STXBP5L: variants seen among roughly 807,000 people sequenced by gnomAD.
STXBP5L encodes syntaxin binding protein 5L.
A neutral mutation model predicts 144.5 loss-of-function variants in STXBP5L; 65 were observed. The observed-to-expected ratio is 0.45, with a 90% CI of 0.37 to 0.55. The LOEUF (loss-of-function observed/expected upper bound fraction) is 0.55, where lower values mean the gene tolerates loss of function less well. Among genes scored for constraint, STXBP5L ranks in the 20% least tolerant of loss-of-function variants. The probability of loss-of-function intolerance (pLI) is 0.00; values close to 1 mark genes in which losing one functional copy is unlikely to be tolerated. For missense variants in STXBP5L, 1,298 were observed against 1,405.5 expected (o/e 0.92, Z 1.22); for synonymous variants, 505 against 469.6 (o/e 1.08, Z -0.97).
rs536016557 is a variant in STXBP5L, at chr3:120,935,823, G to T, written c.190-19117G>T. On this transcript the variant is annotated intron_variant, in intron 2 of 26. Coordinates refer to ENST00000471454, the MANE Select transcript of STXBP5L (RefSeq NM_001308330.2). ...TTCTCTTTGTCTTTGATCTTCTGTA[G>T]TTTGGATATAATATCCTATGCATAT... is the stretch of plus-strand genomic sequence containing the variant. 2.6e-4 allele frequency among the ~76,000 whole-genome samples: 40 copies of T among 151,850 alleles called. 1 individual carries two copies. The South Asian group carries it at 8.1e-3, about 31-fold the overall frequency.
At chr3:121,282,285 CCTGT>C (rs969254926) in intron 19 of STXBP5L, 5 of 1,611,794 alleles carry the variant, frequency 3.1e-6, no homozygotes, top group East Asian at 2.2e-5. Context: ...GCATGCGTGG[CCTGT>C]CTAACTTTTA....
intron 20 of STXBP5L, among the ~76,000 whole-genome samples, chr3:121,348,782 T>A (rs1043731202): frequency 7.2e-5 from 11 of 152,144 alleles, no homozygotes; most frequent in Non-Finnish European, 4.4e-5. Context: ...TAGTTTGTAC[T>A]TCTGTGGGAT....
At chr3:120,987,175 AT>A (rs1942369640) in intron 3 of STXBP5L, among the ~76,000 whole-genome samples, 1 of 152,006 alleles carries the variant, frequency 6.6e-6, no homozygotes, top group Non-Finnish European at 1.5e-5. Flanking sequence ...CTGAAAGCAC[AT>A]TTAATTTTCT....
intron 3 of STXBP5L, among the ~76,000 whole-genome samples, chr3:121,026,031 A>G (rs931017253): frequency 3.6e-5 from 5 of 137,172 alleles, no homozygotes; most frequent in African/African-American, 7.7e-5. Context: ...ATAATTTTAT[A>G]AGTTATATAT....
At chr3:121,050,316 G>A (rs905844546) in intron 5 of STXBP5L, among the ~76,000 whole-genome samples, 2 of 152,002 alleles carry the variant, frequency 1.3e-5, no homozygotes, top group African/African-American at 4.8e-5. Flanking sequence ...TATTTCTTTA[G>A]TCCTAATTCT....
intron 3 of STXBP5L, among the ~76,000 whole-genome samples, chr3:120,992,834 G>T (rs1943034497): frequency 1.3e-5 from 2 of 152,004 alleles, no homozygotes; most frequent in African/African-American, 4.8e-5. Context: ...TAGAATGCTG[G>T]ATAATATGGT....
chr3:121,033,156 A>G lies in STXBP5L; in HGVS notation c.288-8544A>G, dbSNP rs1576722190. The stretch of plus-strand genomic sequence containing the variant: ...ATTGCGGCATTATTCACAATAGCAA[A>G]GACTTGGAACCAACCCAAATGTCCA... On this transcript the variant is annotated intron_variant, in intron 3 of 26. Transcript: ENST00000471454. 3.7e-5 allele frequency among the ~76,000 whole-genome samples: 5 copies of G among 133,870 alleles called. No homozygotes were observed. In the South Asian group the frequency reaches 1.3e-3, roughly 36 times the overall value. 87.8% of individuals were successfully genotyped at this position (133,870 alleles called of 152,430 possible). A position where few individuals can be genotyped will look rare whatever the true frequency, so the allele number is the denominator to read the frequency against.
At chr3:121,172,623 A>T (rs1043666808) in intron 9 of STXBP5L, among the ~76,000 whole-genome samples, 1 of 152,334 alleles carries the variant, frequency 6.6e-6, no homozygotes, top group East Asian at 1.9e-4. Flanking sequence ...AATCAAAACC[A>T]CAGTGAGATA....
At chr3:121,251,056 C>T (rs2050010966) in intron 15 of STXBP5L, among the ~76,000 whole-genome samples, 1 of 152,140 alleles carries the variant, frequency 6.6e-6, no homozygotes, top group Non-Finnish European at 1.5e-5. Context: ...GTTAAATTAA[C>T]TCTGTTCAAG....
intron 3 of STXBP5L, among the ~76,000 whole-genome samples, chr3:121,039,989 C>G (rs1454309145): frequency 6.6e-6 from 1 of 151,950 alleles, no homozygotes; most frequent in Admixed American, 6.6e-5. Context: ...GATCTATCTT[C>G]TGTATATCTA....
intron 19 of STXBP5L, among the ~76,000 whole-genome samples, chr3:121,284,766 T>G (rs2051174942): frequency 6.6e-6 from 1 of 152,084 alleles, no homozygotes; most frequent in African/African-American, 2.4e-5. Context: ...AGACCTAACG[T>G]TTTAAGTCAG....
intron 3 of STXBP5L, among the ~76,000 whole-genome samples, chr3:120,980,223 C>G (rs774567447): frequency 6.6e-6 from 1 of 152,098 alleles, no homozygotes; most frequent in African/African-American, 2.4e-5. Context: ...TTGTAAATTT[C>G]TATCTGTTCT....
chr3:121,238,837 C>A, intron 12 of STXBP5L, 134 bp from the exon 13 acceptor site: 1 of 849,960 alleles, frequency 1.2e-6, no homozygotes, highest in Non-Finnish European at 1.6e-6. Flanking sequence ...TCATACAATT[C>A]TTGTTTTATG....
At chr3:120,997,018 C>T (rs1188138566) in intron 3 of STXBP5L, among the ~76,000 whole-genome samples, 3 of 152,148 alleles carry the variant, frequency 2.0e-5, no homozygotes, top group African/African-American at 7.2e-5. Context: ...CAATGTTCAG[C>T]TCCCACTTAT....
intron 2 of STXBP5L, among the ~76,000 whole-genome samples, chr3:120,912,887 C>G (rs1708918237): frequency 6.6e-6 from 1 of 151,894 alleles, no homozygotes; most frequent in Non-Finnish European, 1.5e-5. Flanking sequence ...ACTGCATTCC[C>G]TAAAAGATAC....
At chr3:120,989,694 T>A (rs990307987) in intron 3 of STXBP5L, among the ~76,000 whole-genome samples, 1 of 152,168 alleles carries the variant, frequency 6.6e-6, no homozygotes, top group Non-Finnish European at 1.5e-5. Flanking sequence ...TATTACGTAT[T>A]TTGAGGCTGT....
intron 7 of STXBP5L, among the ~76,000 whole-genome samples, chr3:121,151,310 C>G (rs2045923681): frequency 6.6e-6 from 1 of 152,026 alleles, no homozygotes; most frequent in South Asian, 2.1e-4. Flanking sequence ...GTAAAAAGCT[C>G]AATTTTTTGT....
At chr3:121,228,783 A>G (rs1055414561) in intron 11 of STXBP5L, among the ~76,000 whole-genome samples, 1 of 152,200 alleles carries the variant, frequency 6.6e-6, no homozygotes, top group Non-Finnish European at 1.5e-5. Flanking sequence ...AGGCTGAGGC[A>G]GAAGAATCGC....
At chr3:121,004,649 C>T (rs1258685824) in intron 3 of STXBP5L, among the ~76,000 whole-genome samples, 2 of 152,102 alleles carry the variant, frequency 1.3e-5, no homozygotes, top group African/African-American at 2.4e-5. Flanking sequence ...GGGAATGCTT[C>T]CAGTTTTTGC....
Sources: gnomAD v4.1 joint callset for allele counts (sites outside exome capture counted in the v4.1 genomes callset) on GRCh38, gnomAD v4.1.1 for gene constraint, MANE v1.5 for transcripts, NCBI Gene and HGNC (gene_info 2026-07-23, HGNC 2026-07-21) for gene names.